Variants in LAMA1 observed in about 807,000 individuals in gnomAD.
The protein encoded by LAMA1 is laminin subunit alpha-1.
Under a neutral mutation model 348.7 loss-of-function variants are expected in LAMA1, and 219 were observed. The observed-to-expected ratio is 0.63, with a 90% CI of 0.56 to 0.70. The LOEUF is 0.70. Among genes scored for constraint, LAMA1 ranks in the 30% least tolerant of loss-of-function variants. The probability of loss-of-function intolerance (pLI) is 0.00; values close to 1 mark genes in which losing one functional copy is unlikely to be tolerated. For synonymous variants in LAMA1, 1,487 were observed against 1,491.0 expected (o/e 1.00, Z 0.06); for missense variants, 3,744 against 3,888.0 (o/e 0.96, Z 0.99).
At chr18:7,007,438 T>G (rs1418972241) in intron 28 of LAMA1, among the ~76,000 whole-genome samples, 162 bp from the exon 29 acceptor site, 3 of 149,276 alleles carry the variant, frequency 2.0e-5, no homozygotes, top group African/African-American at 7.4e-5. Flanking sequence ...CACAAGGTGA[T>G]GCCACCGCAC....
At chr18:6,945,847 AC>A (rs1360583361) in intron 61 of LAMA1, among the ~76,000 whole-genome samples, 1 of 152,106 alleles carries the variant, frequency 6.6e-6, no homozygotes, top group African/African-American at 2.4e-5. Context: ...TGCCCTGAAG[AC>A]CACGATATGG....
At chr18:7,046,733 T>TA (rs1369572851) in intron 5 of LAMA1, among the ~76,000 whole-genome samples, 1 of 152,212 alleles carries the variant, frequency 6.6e-6, no homozygotes, top group Non-Finnish European at 1.5e-5. Flanking sequence ...AATGCAAAGT[T>TA]AATCTACCAC....
At position 7,032,978 on chromosome 18, in the gene LAMA1, C is replaced by T. The variant is rs779828786; in HGVS notation, c.2163+6G>A. The T allele has an allele frequency of 8.8e-6, 14 of 1,593,126 alleles. No individual in the cohort carries two copies. Among genetic ancestry groups the T allele is most frequent in the African/African-American group, 2.7e-5 (2 of 74,224 alleles). On this transcript the variant is annotated splice_donor_region_variant and intron_variant, in intron 15 of 62. Transcript: ENST00000389658. ...AAGGAAAAAGACAGGAAGAGAGAAG[C>T]GTCACCTCACAGGAGGTCCCTGTGT... is the stretch of plus-strand genomic sequence containing the variant.
At chr18:6,994,442 C>T (rs1299939608) in intron 34 of LAMA1, among the ~76,000 whole-genome samples, 1 of 152,156 alleles carries the variant, frequency 6.6e-6, no homozygotes, top group Non-Finnish European at 1.5e-5. Flanking sequence ...TAGTCAAGAC[C>T]AAAGAGAATA....
intron 17 of LAMA1, among the ~76,000 whole-genome samples, chr18:7,025,451 C>T (rs535202955): frequency 5.9e-5 from 9 of 152,336 alleles, no homozygotes; most frequent in Admixed American, 1.3e-4. Flanking sequence ...ACAGTCACGA[C>T]CACACTGAGT....
intron 4 of LAMA1, 88 bp from the exon 5 acceptor site, chr18:7,049,345 G>T (rs1405998906): frequency 8.0e-7 from 1 of 1,243,586 alleles, no homozygotes; most frequent in East Asian, 2.5e-5. Flanking sequence ...TTTGGTCCAG[G>T]CTGGAGTGCA....
At chr18:7,081,322 T>A (rs986300896) in intron 1 of LAMA1, among the ~76,000 whole-genome samples, 6 of 152,202 alleles carry the variant, frequency 3.9e-5, no homozygotes, top group African/African-American at 1.2e-4. Context: ...CAAACGTCTT[T>A]CACTTGAAAG....
At chr18:6,955,082 G>A (rs1466058317) in intron 57 of LAMA1, 1 of 485,866 alleles carries the variant, frequency 2.1e-6, no homozygotes, top group African/African-American at 2.0e-5. Context: ...TAATTTAGAT[G>A]CCCACACGCT....
intron 3 of LAMA1, 141 bp from the exon 4 acceptor site, chr18:7,051,077 G>A: frequency 9.5e-7 from 1 of 1,054,674 alleles, no homozygotes; most frequent in East Asian, 2.6e-5. Context: ...TGGCTGCCAT[G>A]AGGTGCGAGG....
intron 1 of LAMA1, among the ~76,000 whole-genome samples, chr18:7,091,169 T>C (rs2058238408): frequency 6.6e-6 from 1 of 152,198 alleles, no homozygotes; most frequent in Admixed American, 6.5e-5. Context: ...TGAAGCAGTT[T>C]TCTCTTTTGT....
intron 41 of LAMA1, 105 bp downstream of exon 41, chr18:6,982,392 G>T: frequency 1.1e-6 from 1 of 930,222 alleles, no homozygotes. Flanking sequence ...ACACAGAAAT[G>T]CTAAGCTTCA....
intron 3 of LAMA1, among the ~76,000 whole-genome samples, chr18:7,057,992 C>T (rs915571638): frequency 6.6e-6 from 1 of 150,948 alleles, no homozygotes; most frequent in Non-Finnish European, 1.5e-5. Context: ...TTAGTAGAGA[C>T]AGGGTTTCAC....
chr18:6,983,109 T>C lies in LAMA1; in HGVS notation c.5786A>G (p.Glu1929Gly). Residue 1929 changes from glutamate to glycine, a missense_variant, in exon 40 of 63, where the codon GAG becomes GGG. Transcript: ENST00000389658. ...LARDAHRTVT[E>G]TSLLSESLVS... ...CACGTCGTTTCCTACCAGGCTCGTC[T>C]CAGTCACAGTCCTGTGAGCATCTCT... The C allele has an allele frequency of 6.2e-7, 1 of 1,614,172 alleles. No individual in the cohort carries two copies. The highest frequency in any genetic ancestry group is 8.5e-7 in the Non-Finnish European group (1 of 1,180,036).
At chr18:7,047,984 G>T (rs188127509) in intron 5 of LAMA1, among the ~76,000 whole-genome samples, 61 of 152,242 alleles carry the variant, frequency 4.0e-4, no homozygotes, top group Non-Finnish European at 7.4e-4. Context: ...AATATTTTTT[G>T]AGGTCATAGA....
In LAMA1 at chr18:6,986,336, T is replaced by C. The variant is rs1178773053; in HGVS notation, c.5180A>G (p.Asp1727Gly). 5.0e-6 allele frequency: 8 copies of C among 1,614,088 alleles called. No homozygotes were observed. Among genetic ancestry groups the C allele is most frequent in the Non-Finnish European group, 6.8e-6 (8 of 1,179,978 alleles). The part of the protein sequence containing the change: ...NATLELKAAE[D>G]LLSQIQENYQ... The stretch of plus-strand genomic sequence containing the variant: ...ATTTTCCTGAATTTGTGACAATAAA[T>C]CTTCAGCAGCCCTGATAAATATGAA... Residue 1727 changes from aspartate to glycine, a missense_variant, in exon 37 of 63, where the codon GAT becomes GGT. Asp to Gly is a moderately conservative substitution (Grantham distance 94, BLOSUM62 -1). Transcript: ENST00000389658.
intron 19 of LAMA1, among the ~76,000 whole-genome samples, chr18:7,019,023 C>T (rs767044206): frequency 4.6e-5 from 7 of 152,066 alleles, no homozygotes; most frequent in African/African-American, 7.2e-5. Context: ...CTGGACCGTG[C>T]GGACTCTGCT....
rs879227219 is a variant in LAMA1 at position 7,034,484 on chromosome 18, A to C, written c.2046T>G (p.Leu682=). The part of the protein sequence containing the change: ...RANYNSAKMA[L]YRLESVSLDI... ...CCTCCATTTTCAATACATACCTGTA[A>C]AGAGCCATTTTTGCAGAATTGTAGT... The change falls in exon 14 of 63, where the codon CTT becomes CTG. Residue 682 remains leucine (L), a synonymous_variant. Coordinates refer to ENST00000389658, the MANE Select transcript of LAMA1 (RefSeq NM_005559.4). The C allele has an allele frequency of 6.2e-7, 1 of 1,613,772 alleles. No individual in the cohort carries two copies.
intron 1 of LAMA1, among the ~76,000 whole-genome samples, chr18:7,083,024 T>C (rs2058199456): frequency 6.6e-6 from 1 of 152,102 alleles, no homozygotes; most frequent in African/African-American, 2.4e-5. Context: ...ACACACTGTG[T>C]ATGCTGGAGT....
At chr18:7,088,495 T>G (rs1015064834) in intron 1 of LAMA1, among the ~76,000 whole-genome samples, 1 of 152,054 alleles carries the variant, frequency 6.6e-6, no homozygotes, top group Non-Finnish European at 1.5e-5. Flanking sequence ...ACTTTTTTTG[T>G]TTTAAAAAAT....
Sources: gnomAD v4.1 joint callset for allele counts (sites outside exome capture counted in the v4.1 genomes callset) on GRCh38, gnomAD v4.1.1 for gene constraint, MANE v1.5 for transcripts, NCBI Gene and HGNC (gene_info 2026-07-23, HGNC 2026-07-21) for gene names.